BICRA: variants seen among roughly 807,000 people sequenced by gnomAD.
BICRA encodes BRD4 interacting chromatin remodeling complex associated protein.
A neutral mutation model predicts 96.9 loss-of-function variants in BICRA; 31 were observed. That is an observed-to-expected ratio of 0.32 (90% confidence interval 0.24 to 0.43). The LOEUF is 0.43. BICRA is among the 20% of genes least tolerant of loss of function. The pLI is 1.00. For synonymous variants in BICRA, 1,350 were observed against 1,071.8 expected (o/e 1.26, Z -5.07); for missense variants, 2,283 against 2,190.3 (o/e 1.04, Z -0.84).
chr19:47,685,056 G>A (rs910671733), intron 7 of BICRA, among the ~76,000 whole-genome samples: 5 of 151,800 alleles, frequency 3.3e-5, no homozygotes, highest in South Asian at 2.1e-4. Context: ...TACAACCTCC[G>A]CCTCCCATGC....
chr19:47,625,178 T>G (rs1186123461), intron 1 of BICRA, among the ~76,000 whole-genome samples: 2 of 151,742 alleles, frequency 1.3e-5, no homozygotes, highest in African/African-American at 2.4e-5. Context: ...TTTTGTATTT[T>G]TAGTAGAGAT....
At position 47,702,478 on chromosome 19, in the gene BICRA, GCCCTCA is replaced by G; in HGVS notation, c.*64_*69del. 7.1e-7 allele frequency: 1 copy of G among 1,404,318 alleles called. No homozygotes were observed. Among genetic ancestry groups the G allele is most frequent in the African/African-American group, 1.5e-5 (1 of 65,742 alleles). The allele number at this position is 1,404,318 out of a possible 1,614,324, so 87.0% of individuals were successfully genotyped here. On this transcript the variant is annotated 3_prime_UTR_variant, in exon 15 of 15. Transcript: ENST00000594866. Reference sequence around the variant, plus strand: ...AAGACGCCGGGACAGTCGGGTGTCCGCCCTCAGCCTCCTGGGGACTCGAGCCGGGGA... The same window carrying G: ...AAGACGCCGGGACAGTCGGGTGTCCGGCCTCCTGGGGACTCGAGCCGGGGA...
At chr19:47,668,461 GCCA>G in intron 1 of BICRA, among the ~76,000 whole-genome samples, 1 of 150,352 alleles carries the variant, frequency 6.7e-6, no homozygotes, top group East Asian at 2.0e-4. Context: ...TCTGTTTAGT[GCCA>G]CATTTTTCAC....
intron 1 of BICRA, among the ~76,000 whole-genome samples, chr19:47,649,769 G>A (rs1384120449): frequency 6.6e-6 from 1 of 152,144 alleles, no homozygotes; most frequent in African/African-American, 2.4e-5. Context: ...GGAAGGAGAT[G>A]AAATCAGATC....
At chr19:47,670,872 G>C (rs114725736) in intron 2 of BICRA, among the ~76,000 whole-genome samples, 1 of 152,158 alleles carries the variant, frequency 6.6e-6, no homozygotes, top group African/African-American at 2.4e-5. Flanking sequence ...GGTGACACAG[G>C]GGGAGGAAGC....
Position 47,680,937 on chromosome 19 carries a change from C to T in BICRA, c.1767C>T (p.Pro589=), listed in dbSNP as rs770829678. The T allele has an allele frequency of 2.4e-4, 348 of 1,478,470 alleles. 2 individuals are homozygous for T. The highest frequency in any genetic ancestry group is 2.7e-4 in the Admixed American group (11 of 40,606). 91.6% of individuals were successfully genotyped at this position (1,478,470 alleles called of 1,614,324 possible). A position where few individuals can be genotyped will look rare whatever the true frequency, so the allele number is the denominator to read the frequency against. ...CTGTCCTCCAGGGGGTCACCCTGCCCCCCAGCGCCGTGGCCATGCTCAACA... is the reference window on the plus strand; with the variant it reads ...CTGTCCTCCAGGGGGTCACCCTGCCTCCCAGCGCCGTGGCCATGCTCAACA... The part of the protein sequence containing the change: ...ATTVLQGVTL[P]PSAVAMLNTP... The change falls in exon 6 of 15, where the codon CCC becomes CCT. Residue 589 remains proline, a synonymous_variant. Coordinates refer to ENST00000594866, the MANE Select transcript of BICRA (RefSeq NM_001394372.1).
chr19:47,681,308 G>A (rs750262865), intron 6 of BICRA, 32 bp downstream of exon 6: 11 of 1,533,432 alleles, frequency 7.2e-6, no homozygotes, highest in African/African-American at 2.7e-5. Context: ...AGCAGGTACC[G>A]GAGGAGGCGG....
rs1360248024 is a variant in BICRA, at chr19:47,680,170, T to G, written c.1000T>G (p.Ser334Ala). 1 of 1,535,410 alleles carries G rather than the reference T, an allele frequency of 6.5e-7. No homozygotes were observed. Among genetic ancestry groups the G allele is most frequent in the Admixed American group, 2.0e-5 (1 of 50,392 alleles). ...GGCGGTGGCCCCAGGCCTCGGCTCG[T>G]CGCCACTGGTCCCGGCGCCCAACGT... ...PLAVAPGLGS[S>A]PLVPAPNVIL... The change falls in exon 6 of 15, where the codon TCG (serine) becomes GCG (alanine). Residue 334 changes from serine (S) to alanine (A), a missense_variant. Transcript: ENST00000594866.
chr19:47,620,927 C>T (rs1972056530), intron 1 of BICRA, among the ~76,000 whole-genome samples: 1 of 152,116 alleles, frequency 6.6e-6, no homozygotes, highest in Non-Finnish European at 1.5e-5. Context: ...TCAAGGCGGC[C>T]ATGGGTCTTG....
At chr19:47,666,238 A>G (rs1340929119) in intron 1 of BICRA, among the ~76,000 whole-genome samples, 2 of 152,090 alleles carry the variant, frequency 1.3e-5, no homozygotes, top group African/African-American at 4.8e-5. Context: ...TGCTGTGAGC[A>G]TGCACAGGCA....
intron 1 of BICRA, among the ~76,000 whole-genome samples, chr19:47,627,203 A>G (rs1191681644): frequency 6.6e-6 from 1 of 151,966 alleles, no homozygotes; most frequent in African/African-American, 2.4e-5. Context: ...TAACATAATC[A>G]TGGCCACCTC....
At chr19:47,632,637 G>A (rs1440672578) in intron 1 of BICRA, among the ~76,000 whole-genome samples, 2 of 152,142 alleles carry the variant, frequency 1.3e-5, no homozygotes, top group African/African-American at 4.8e-5. Flanking sequence ...GCAGTTGAGG[G>A]GTCAAATAAT....
At chr19:47,700,005 C>T (rs1236143624) in intron 14 of BICRA, 1 of 154,054 alleles carries the variant, frequency 6.5e-6, no homozygotes, top group Non-Finnish European at 1.4e-5. Flanking sequence ...AAAAAGTAGT[C>T]ATTGGTACTT....
chr19:47,682,790 A>G (rs1973086818), intron 7 of BICRA, among the ~76,000 whole-genome samples: 1 of 150,282 alleles, frequency 6.7e-6, no homozygotes, highest in African/African-American at 2.5e-5. Flanking sequence ...TCCTGCCTCC[A>G]CCTCCCGCGT....
rs577758289 is a variant in BICRA at position 47,648,979 on chromosome 19, G to A, written c.-107-21464G>A. 3.3e-5 allele frequency among the ~76,000 whole-genome samples: 5 copies of A among 151,636 alleles called. No homozygotes were observed. The East Asian group carries it at 9.7e-4, about 29-fold the overall frequency. On this transcript the variant is annotated intron_variant, in intron 1 of 14. Transcript: ENST00000594866. The stretch of plus-strand genomic sequence containing the variant: ...CCATTCTCCTGCCTCAGCCTCACAA[G>A]TAGCTGGGACTACAGGCACCCACCA...
intron 1 of BICRA, among the ~76,000 whole-genome samples, chr19:47,630,869 G>A (rs568980782): frequency 3.3e-5 from 5 of 152,134 alleles, no homozygotes; most frequent in Admixed American, 3.3e-4. Context: ...TGCAGTGCAC[G>A]TGGTTCCAGT....
intron 1 of BICRA, among the ~76,000 whole-genome samples, chr19:47,627,642 C>T (rs548731622): frequency 1.6e-4 from 24 of 152,230 alleles, no homozygotes; most frequent in African/African-American, 5.1e-4. Context: ...CCACTTTGCC[C>T]CACAATGAGC....
At chr19:47,658,766 C>A (rs369877630) in intron 1 of BICRA, among the ~76,000 whole-genome samples, 3 of 152,106 alleles carry the variant, frequency 2.0e-5, no homozygotes, top group African/African-American at 7.2e-5. Flanking sequence ...CGGGACCTGC[C>A]GATTCCCAGA....
chr19:47,676,203 A>G (rs1452007483), intron 5 of BICRA, among the ~76,000 whole-genome samples: 1 of 152,010 alleles, frequency 6.6e-6, no homozygotes, highest in Non-Finnish European at 1.5e-5. Flanking sequence ...TGGCTCATGC[A>G]GAGTGGTTCT....
Sources: allele counts gnomAD v4.1 joint callset (sites outside exome capture counted in the v4.1 genomes callset), GRCh38; gene constraint gnomAD v4.1.1; transcripts MANE v1.5; gene names NCBI Gene and HGNC (gene_info 2026-07-23, HGNC 2026-07-21).